Variants in EFR3B observed in about 807,000 individuals in gnomAD.
EFR3B encodes the protein EFR3 homolog B.
Under a neutral mutation model 104.7 loss-of-function variants are expected in EFR3B, and 64 were observed. The observed-to-expected ratio is 0.61, with a 90% CI of 0.50 to 0.75. EFR3B has a LOEUF of 0.75. Ranked by LOEUF, EFR3B falls within the 30% of genes least tolerant of loss-of-function variation. The probability of loss-of-function intolerance (pLI) is 0.00; values close to 1 mark genes in which losing one functional copy is unlikely to be tolerated. For missense variants in EFR3B, 750 were observed against 1,078.5 expected, an observed-to-expected ratio of 0.70 and a Z score of 4.27; for synonymous variants, 385 against 417.9, an observed-to-expected ratio of 0.92 and a Z score of 0.96.
chr2:25,116,993 A>G (rs1412368195), intron 4 of EFR3B, among the ~76,000 whole-genome samples: 1 of 152,180 alleles, frequency 6.6e-6, no homozygotes, highest in Non-Finnish European at 1.5e-5. Flanking sequence ...ATGAGGACAG[A>G]CGCTGGCCGT....
At chr2:25,096,389 C>G (rs1044718568) in intron 3 of EFR3B, among the ~76,000 whole-genome samples, 5 of 152,214 alleles carry the variant, frequency 3.3e-5, no homozygotes, top group Non-Finnish European at 7.3e-5. Flanking sequence ...CTTCTCTTTT[C>G]GTTCAGATGA....
intron 19 of EFR3B, chr2:25,147,311 A>C (rs192482637): frequency 6.6e-6 from 1 of 152,370 alleles, no homozygotes; most frequent in Admixed American, 6.5e-5. Flanking sequence ...GGACGTACAG[A>C]GGATAAGTCC....
intron 4 of EFR3B, among the ~76,000 whole-genome samples, chr2:25,107,076 C>T (rs1669584949): frequency 6.6e-6 from 1 of 152,192 alleles, no homozygotes; most frequent in Non-Finnish European, 1.5e-5. Flanking sequence ...TGTCTGTGCT[C>T]ACACAGCTAG....
intron 19 of EFR3B, chr2:25,146,747 G>A (rs969271062): frequency 6.6e-6 from 1 of 152,302 alleles, no homozygotes; most frequent in African/African-American, 2.4e-5. Context: ...AGGGGTGCAG[G>A]GGCCTTCATC....
chr2:25,088,799 G>A (rs557228705), intron 1 of EFR3B, among the ~76,000 whole-genome samples: 4 of 152,318 alleles, frequency 2.6e-5, no homozygotes, highest in South Asian at 2.1e-4. Context: ...TGTTGGCCAC[G>A]CTGCCTCCCT....
intron 20 of EFR3B, among the ~76,000 whole-genome samples, chr2:25,150,188 T>C (rs1353641327): frequency 6.6e-6 from 1 of 151,336 alleles, no homozygotes; most frequent in East Asian, 2.0e-4. Flanking sequence ...TAATCACAGC[T>C]ACTTGGGAGG....
intron 1 of EFR3B, chr2:25,080,825 A>C: frequency 1.1e-6 from 1 of 919,018 alleles, no homozygotes; most frequent in South Asian, 1.3e-5. Context: ...CTGAATCTTC[A>C]CCATTGGATT....
chr2:25,078,943 G>A (rs1338257371), intron 1 of EFR3B, among the ~76,000 whole-genome samples: 7 of 152,080 alleles, frequency 4.6e-5, no homozygotes, highest in African/African-American at 1.7e-4. Context: ...TCACTGCCAC[G>A]AGACTGCGTG....
At position 25,154,281 on chromosome 2, in the gene EFR3B, C is replaced by T; in HGVS notation, c.2395C>T (p.Pro799Ser). The part of the protein sequence containing the change: ...SGTITAAYGQ[P>S]QNHSIPVYEM... ...AACCATCACTGCAGCCTACGGTCAG[C>T]CGCAGAACCACTCCATCCCCGTCTA... is the stretch of plus-strand genomic sequence containing the variant. Residue 799 changes from proline to serine, a missense_variant, in exon 23 of 23, where the codon CCG becomes TCG. Pro to Ser is a moderately conservative substitution (Grantham distance 74, BLOSUM62 -1). Coordinates refer to ENST00000403714, the MANE Select transcript of EFR3B (RefSeq NM_014971.2). The surrounding 1 kb of genome is among the most constrained non-coding windows in gnomAD (Gnocchi z 4.1). The T allele has an allele frequency of 6.4e-7, 1 of 1,552,028 alleles. No individual in the cohort carries two copies. Among genetic ancestry groups the T allele is most frequent in the Non-Finnish European group, 8.7e-7 (1 of 1,147,078 alleles).
At chr2:25,128,914 C>G (rs1239788746) in intron 6 of EFR3B, among the ~76,000 whole-genome samples, 1 of 129,328 alleles carries the variant, frequency 7.7e-6, no homozygotes, top group Admixed American at 9.6e-5. Context: ...GAGCCGAGAT[C>G]GCGCCGCTGC....
Position 25,131,948 on chromosome 2 carries a change from G to C in EFR3B, c.1147+37G>C. 7.2e-7 allele frequency: 1 copy of C among 1,386,072 alleles called. No homozygotes were observed. Among genetic ancestry groups the C allele is most frequent in the Non-Finnish European group, 9.4e-7 (1 of 1,065,900 alleles). 85.9% of individuals were successfully genotyped at this position (1,386,072 alleles called of 1,614,324 possible). On this transcript the variant is annotated intron_variant, in intron 10 of 22. Coordinates refer to ENST00000403714, the MANE Select transcript of EFR3B (RefSeq NM_014971.2). The surrounding 1 kb of genome is among the most constrained non-coding windows in gnomAD (Gnocchi z 7.6). The stretch of plus-strand genomic sequence containing the variant: ...GGCCGGGCCGGGGCGGGGCGGGGCC[G>C]AGGCGCGGAGTGGGGAGGGGAGGGG...
chr2:25,073,876 A>G (rs1040073705), intron 1 of EFR3B, among the ~76,000 whole-genome samples: 10 of 152,012 alleles, frequency 6.6e-5, no homozygotes, highest in Non-Finnish European at 7.4e-5. Flanking sequence ...TCCTTGACCA[A>G]CCAGCCTGAG....
At chr2:25,081,615 C>G in intron 1 of EFR3B, 1 of 748,338 alleles carries the variant, frequency 1.3e-6, no homozygotes, top group Admixed American at 2.0e-5. Context: ...CAGTGGCCCG[C>G]AGGGCTGTCC....
rs11684332 is a variant in EFR3B, at chr2:25,071,999, C to T, written c.8-19326C>T. ...TGGCCCCAGTTCCTCTTGTTTCTTA[C>T]GGCTGGTCTCAAATCTCGCACATCA... is the stretch of plus-strand genomic sequence containing the variant. On this transcript the variant is annotated intron_variant, in intron 1 of 22. Coordinates refer to ENST00000403714, the MANE Select transcript of EFR3B (RefSeq NM_014971.2). Among the ~76,000 whole-genome samples, 97 of 152,338 alleles carry T rather than the reference C, an allele frequency of 6.4e-4. 1 individual carries two copies. The highest frequency in any genetic ancestry group is 9.8e-4 in the Admixed American group (15 of 15,304).
chr2:25,093,072 C>T lies in EFR3B; in HGVS notation c.154C>T (p.Arg52Cys). 3 of 1,551,332 alleles carry T rather than the reference C, an allele frequency of 1.9e-6. No homozygotes were observed. The highest frequency in any genetic ancestry group is 1.7e-6 in the Non-Finnish European group (2 of 1,147,082). Reference protein sequence around the residue: ...YALSAPEKLDRIGAYLSERLI... With the variant: ...YALSAPEKLDCIGAYLSERLI... ...CCTCTCAGCTCCAGAAAAACTTGAT[C>T]GTATTGGCGCCTACCTCTCTGAGAG... The change falls in exon 3 of 23, where the codon CGT (arginine) becomes TGT (cysteine). Residue 52 changes from arginine to cysteine, a missense_variant. By Grantham distance (180) the Arg-to-Cys change is radical. Coordinates refer to ENST00000403714, the MANE Select transcript of EFR3B (RefSeq NM_014971.2).
intron 2 of EFR3B, among the ~76,000 whole-genome samples, chr2:25,092,427 C>CTT (rs1447658799): frequency 3.5e-5 from 3 of 86,172 alleles, no homozygotes; most frequent in Non-Finnish European, 8.3e-5. Context: ...CACACACTTA[C>CTT]ACACACACAC....
At chr2:25,102,948 G>A (rs1383322376) in intron 3 of EFR3B, among the ~76,000 whole-genome samples, 3 of 152,158 alleles carry the variant, frequency 2.0e-5, no homozygotes, top group Non-Finnish European at 2.9e-5. Flanking sequence ...TGCTTGCATA[G>A]TACTTTATCA....
At chr2:25,123,909 G>A (rs578005324) in intron 5 of EFR3B, among the ~76,000 whole-genome samples, 2 of 152,378 alleles carry the variant, frequency 1.3e-5, no homozygotes, top group Admixed American at 1.3e-4. Context: ...AACATCAGGA[G>A]GAAGGCTGCT....
intron 1 of EFR3B, among the ~76,000 whole-genome samples, chr2:25,085,081 A>G (rs1306163613): frequency 6.6e-6 from 1 of 152,218 alleles, no homozygotes; most frequent in African/African-American, 2.4e-5. Context: ...TTTCACTGCT[A>G]TGAACCCTAC....
Sources: gnomAD v4.1 joint callset for allele counts (sites outside exome capture counted in the v4.1 genomes callset) on GRCh38, gnomAD v4.1.1 for gene constraint, Gnocchi (gnomAD v3.1) non-coding constraint, MANE v1.5 for transcripts, NCBI Gene and HGNC (gene_info 2026-07-23, HGNC 2026-07-21) for gene names.